The following ATL1 variants were observed in gnomAD, a reference collection of about 807,000 sequenced individuals.
ATL1 encodes the protein atlastin-1.
A neutral mutation model predicts 75.5 loss-of-function variants in ATL1; 31 were observed. The ratio of observed to expected loss-of-function variants is 0.41; its 90% confidence interval spans 0.31 to 0.55. ATL1 has a LOEUF of 0.55. Ranked by LOEUF, ATL1 falls within the 20% of genes least tolerant of loss-of-function variation. The probability of loss-of-function intolerance (pLI) is 0.27; values close to 1 mark genes in which losing one functional copy is unlikely to be tolerated. For missense variants in ATL1, 405 were observed against 662.6 expected, an observed-to-expected ratio of 0.61 and a Z score of 4.27; for synonymous variants, 226 against 233.3, an observed-to-expected ratio of 0.97 and a Z score of 0.28.
chr14:50,595,691 G>C (rs1595603491), intron 6 of ATL1, 59 bp downstream of exon 6: 3 of 1,477,078 alleles, frequency 2.0e-6, no homozygotes, highest in African/African-American at 2.8e-5. Flanking sequence ...ACTGTAACCA[G>C]GTATATTAAT....
rs112876220 is a variant in ATL1 at position 50,564,440 on chromosome 14, G to C, written c.34+4141G>C. Among the ~76,000 whole-genome samples the C allele has an allele frequency of 3.9e-5, 6 of 152,050 alleles. No individual in the cohort carries two copies. In the South Asian group the frequency reaches 1.2e-3, roughly 32 times the overall value. ...TAAGGCGGGCAGATCAGGAGGTCAG[G>C]AGATGGAGACCATCCTGGCTGACAC... On this transcript the variant is annotated intron_variant, in intron 1 of 13. Coordinates refer to ENST00000358385, the MANE Select transcript of ATL1 (RefSeq NM_015915.5).
chr14:50,552,258 A>T (rs539820650), intron 1 of ATL1, among the ~76,000 whole-genome samples: 120 of 147,120 alleles, frequency 8.2e-4, no homozygotes, highest in Non-Finnish European at 1.5e-3. Flanking sequence ...TCCCTTTTAC[A>T]ACAGCTGCAA....
intron 4 of ATL1, among the ~76,000 whole-genome samples, chr14:50,592,649 C>T (rs1295225342): frequency 2.6e-5 from 4 of 151,918 alleles, no homozygotes; most frequent in African/African-American, 7.2e-5. Flanking sequence ...CGGTGGCTCA[C>T]GCCTGTAATC....
intron 13 of ATL1, 102 bp downstream of exon 13, chr14:50,630,111 G>C (rs1242203658): frequency 2.5e-6 from 2 of 797,156 alleles, no homozygotes; most frequent in East Asian, 2.8e-5. Flanking sequence ...ATGTAGATTA[G>C]AACAATCTTT....
In ATL1 at chr14:50,613,239, C is replaced by G. The variant is rs1566730748; in HGVS notation, c.631-20C>G. On this transcript the variant is annotated intron_variant, in intron 6 of 13. Transcript: ENST00000358385. ...GGCACCTTAAAGTCCTCATATCAATCCTTTCTTATTATTTTTTAGAGTCTG... is the reference window on the plus strand; with the variant it reads ...GGCACCTTAAAGTCCTCATATCAATGCTTTCTTATTATTTTTTAGAGTCTG... 6.3e-6 allele frequency: 10 copies of G among 1,587,586 alleles called. No individual in the cohort carries two copies. Among genetic ancestry groups the G allele is most frequent in the Non-Finnish European group, 8.6e-6 (10 of 1,157,166 alleles).
intron 5 of ATL1, among the ~76,000 whole-genome samples, chr14:50,595,148 G>A (rs939454675): frequency 1.3e-5 from 2 of 151,950 alleles, no homozygotes; most frequent in African/African-American, 4.8e-5. Flanking sequence ...AACAGCTTTT[G>A]TAAATATATC....
chr14:50,587,386 C>T (rs1300389316), intron 1 of ATL1, among the ~76,000 whole-genome samples: 1 of 152,032 alleles, frequency 6.6e-6, no homozygotes, highest in African/African-American at 2.4e-5. Flanking sequence ...GTCATTAAAA[C>T]AAACATTTCT....
chr14:50,552,475 C>A (rs2038714719), intron 1 of ATL1, among the ~76,000 whole-genome samples: 1 of 152,092 alleles, frequency 6.6e-6, no homozygotes, highest in South Asian at 2.1e-4. Flanking sequence ...CAATTCCCAT[C>A]AAAATACCAT....
rs112496709 is a variant in ATL1 at position 50,590,980 on chromosome 14, A to G, written c.322A>G (p.Thr108Ala). Residue 108 changes from threonine (T) to alanine (A), a missense_variant, in exon 3 of 14, where the codon ACT (threonine) becomes GCT (alanine). Thr to Ala is a moderately conservative substitution (Grantham distance 58). This residue lies in a region of ATL1 where 126 missense variants were observed against 172.0 expected (regional missense o/e 0.73). Coordinates refer to ENST00000358385, the MANE Select transcript of ATL1 (RefSeq NM_015915.5). ...DWVGDYNEPL[T>A]GFSWRGGSER... ...GGTTGGAGACTACAATGAACCATTG[A>G]CTGGTTTTTCATGGAGAGGTGGATC... 166 of 1,613,956 alleles carry G rather than the reference A, an allele frequency of 1.0e-4. No homozygotes were observed. Among genetic ancestry groups the G allele is most frequent in the Non-Finnish European group, 1.3e-4 (149 of 1,179,896 alleles).
intron 1 of ATL1, among the ~76,000 whole-genome samples, chr14:50,579,637 G>A (rs2039038073): frequency 6.6e-6 from 1 of 152,150 alleles, no homozygotes; most frequent in South Asian, 2.1e-4. Context: ...TCTAATCTGA[G>A]AACATGTATA....
chr14:50,630,997 G>A (rs1281254454), intron 13 of ATL1: 4 of 453,756 alleles, frequency 8.8e-6, no homozygotes, highest in East Asian at 7.0e-5. Flanking sequence ...GGTGGCTCAC[G>A]CCTGTAATCC....
chr14:50,556,678 A>G (rs1348155492), upstream of ATL1, among the ~76,000 whole-genome samples: 2 of 152,212 alleles, frequency 1.3e-5, no homozygotes, highest in Non-Finnish European at 2.9e-5. Context: ...CTAAGCAACA[A>G]TTAATCTACT....
chr14:50,570,285 T>C (rs771948549), intron 1 of ATL1, among the ~76,000 whole-genome samples: 1 of 152,212 alleles, frequency 6.6e-6, no homozygotes, highest in African/African-American at 2.4e-5. Flanking sequence ...ATTTTCCTAA[T>C]CTTCAAGTTT....
chr14:50,590,976 A>T lies in ATL1; in HGVS notation c.318A>T (p.Pro106=), dbSNP rs2140204833. The part of the protein sequence containing the change: ...SVDWVGDYNE[P]LTGFSWRGGS... ...ATTGGGTTGGAGACTACAATGAACCATTGACTGGTTTTTCATGGAGAGGTG... is the reference window on the plus strand; with the variant it reads ...ATTGGGTTGGAGACTACAATGAACCTTTGACTGGTTTTTCATGGAGAGGTG... Residue 106 remains proline, a synonymous_variant, in exon 3 of 14, where the codon CCA becomes CCT. Coordinates refer to ENST00000358385, the MANE Select transcript of ATL1 (RefSeq NM_015915.5). 6.2e-7 allele frequency: 1 copy of T among 1,613,958 alleles called. No homozygotes were observed. Among genetic ancestry groups the T allele is most frequent in the Non-Finnish European group, 8.5e-7 (1 of 1,179,898 alleles).
At chr14:50,617,155 ATTATTGTCTTACCTATTT>A in intron 8 of ATL1, among the ~76,000 whole-genome samples, 1 of 152,202 alleles carries the variant, frequency 6.6e-6, no homozygotes, top group African/African-American at 2.4e-5. Context: ...TATTGCAATT[ATTATTGTCTTACCTATTT>A]CTAGTGTTAT....
At chr14:50,563,489 C>G (rs186492699) in intron 1 of ATL1, among the ~76,000 whole-genome samples, 78 of 152,002 alleles carry the variant, frequency 5.1e-4, no homozygotes, top group African/African-American at 1.7e-3. Flanking sequence ...ATTTTTCAGA[C>G]AAGTTAGAAA....
At chr14:50,595,334 T>C (rs1209270070) in intron 5 of ATL1, among the ~76,000 whole-genome samples, 1 of 152,210 alleles carries the variant, frequency 6.6e-6, no homozygotes, top group African/African-American at 2.4e-5. Context: ...ATGGAAATTT[T>C]ATTTTTAAAT....
At chr14:50,546,612 A>G (rs1350465894) in intron 1 of ATL1, among the ~76,000 whole-genome samples, 1 of 152,174 alleles carries the variant, frequency 6.6e-6, no homozygotes, top group African/African-American at 2.4e-5. Context: ...GTCTGCATAC[A>G]TTTTTGTCTA....
intron 11 of ATL1, among the ~76,000 whole-genome samples, chr14:50,627,658 T>C (rs1216368759): frequency 6.6e-6 from 1 of 152,230 alleles, no homozygotes; most frequent in East Asian, 1.9e-4. Context: ...TTCAGTGTAG[T>C]TAGATTTCCT....
Sources: gnomAD v4.1 joint callset for allele counts (sites outside exome capture counted in the v4.1 genomes callset) on GRCh38, gnomAD v4.1.1 for gene constraint, gnomAD v4.1.1 regional missense constraint, MANE v1.5 for transcripts, NCBI Gene and HGNC (gene_info 2026-07-23, HGNC 2026-07-21) for gene names.